The following NCOA1 variants were observed in gnomAD, a reference collection of about 807,000 sequenced individuals.
NCOA1 encodes the protein nuclear receptor coactivator 1, also known as Hin-2 protein.
Under a neutral mutation model 150.9 loss-of-function variants are expected in NCOA1, and 35 were observed. The observed-to-expected ratio is 0.23, with a 90% CI of 0.18 to 0.31. NCOA1 has a LOEUF of 0.31. Among genes scored for constraint, NCOA1 ranks in the 10% least tolerant of loss-of-function variants. The pLI is 1.00. For missense variants in NCOA1, 1,491 were observed against 1,749.3 expected, an observed-to-expected ratio of 0.85 and a Z score of 2.63; for synonymous variants, 590 against 630.0, an observed-to-expected ratio of 0.94 and a Z score of 0.95.
At chr2:24,516,272 A>G (rs566234756) in intron 1 of NCOA1, among the ~76,000 whole-genome samples, 1 of 139,818 alleles carries the variant, frequency 7.2e-6, no homozygotes, top group African/African-American at 2.7e-5. Flanking sequence ...GGCCCACTGC[A>G]AGCTCCGCCT....
intron 14 of NCOA1, among the ~76,000 whole-genome samples, chr2:24,723,066 T>G (rs1674435560): frequency 1.3e-5 from 2 of 152,080 alleles, no homozygotes; most frequent in South Asian, 4.1e-4. Flanking sequence ...TTTTTAGTGA[T>G]TAAGATATTC....
chr2:24,685,551 A>G (rs1558903284), intron 8 of NCOA1, among the ~76,000 whole-genome samples: 2 of 152,202 alleles, frequency 1.3e-5, no homozygotes, highest in Admixed American at 6.5e-5. Flanking sequence ...TTATATCTCA[A>G]ATGATGGAGA....
At chr2:24,614,885 A>G (rs1039526243) in intron 3 of NCOA1, among the ~76,000 whole-genome samples, 2 of 152,256 alleles carry the variant, frequency 1.3e-5, no homozygotes, top group African/African-American at 4.8e-5. Flanking sequence ...ATATTGTTAT[A>G]TGCTAGGCTC....
chr2:24,611,743 C>T (rs1160275446), intron 3 of NCOA1, among the ~76,000 whole-genome samples: 3 of 152,080 alleles, frequency 2.0e-5, no homozygotes, highest in Non-Finnish European at 4.4e-5. Flanking sequence ...GCAACCCCTG[C>T]TCCTTTTTAT....
At chr2:24,748,496 GCTA>G (rs1179242282) in intron 19 of NCOA1, among the ~76,000 whole-genome samples, 1 of 151,722 alleles carries the variant, frequency 6.6e-6, no homozygotes, top group African/African-American at 2.4e-5. Flanking sequence ...TATAATGCCA[GCTA>G]CTCGGGAGGC....
rs192989329 is a variant in NCOA1, at chr2:24,735,491, G to A, written c.3202-3941G>A. Reference sequence around the variant, plus strand: ...ACATTATAGTTTCCTTCTTTTTGGTGAATTTTAAGGTCAGTTTAAAAACAG... The same window carrying A: ...ACATTATAGTTTCCTTCTTTTTGGTAAATTTTAAGGTCAGTTTAAAAACAG... On this transcript the variant is annotated intron_variant, in intron 17 of 22. Transcript: ENST00000348332. Among the ~76,000 whole-genome samples the A allele has an allele frequency of 6.6e-5, 10 of 152,034 alleles. No homozygotes were observed. The East Asian group carries it at 1.9e-3, about 29-fold the overall frequency.
intron 12 of NCOA1, 37 bp from the exon 13 acceptor site, chr2:24,706,531 T>C: frequency 6.5e-7 from 1 of 1,534,498 alleles, no homozygotes; most frequent in South Asian, 1.3e-5. Flanking sequence ...TAGAAACAAA[T>C]GAAGATGTTT....
intron 1 of NCOA1, among the ~76,000 whole-genome samples, chr2:24,556,910 A>G (rs1001628328): frequency 6.6e-6 from 1 of 150,900 alleles, no homozygotes; most frequent in Non-Finnish European, 1.5e-5. Flanking sequence ...CTTTATCTCT[A>G]CTCTTAGCTA....
At chr2:24,523,629 A>AAAAAAAAAAAAAAAAAAAAC (rs1572380482) in intron 1 of NCOA1, among the ~76,000 whole-genome samples, 3 of 125,914 alleles carry the variant, frequency 2.4e-5, no homozygotes, top group Admixed American at 8.7e-5. Flanking sequence ...AAAAAAAAAA[A>AAAAAAAAAAAAAAAAAAAAC]AGAAACTGGG....
chr2:24,503,069 CAT>C (rs1297217760), intron 1 of NCOA1, among the ~76,000 whole-genome samples: 1 of 152,148 alleles, frequency 6.6e-6, no homozygotes, highest in Non-Finnish European at 1.5e-5. Flanking sequence ...TTTGTCAAGT[CAT>C]ATTGATTAAA....
intron 7 of NCOA1, among the ~76,000 whole-genome samples, chr2:24,681,915 C>A (rs576355647): frequency 4.1e-4 from 63 of 152,216 alleles, no homozygotes; most frequent in African/African-American, 1.5e-3. Context: ...GGGGTTTCAC[C>A]ATGTTGGCCA....
At chr2:24,527,121 C>G (rs1304266083) in intron 1 of NCOA1, among the ~76,000 whole-genome samples, 1 of 152,136 alleles carries the variant, frequency 6.6e-6, no homozygotes, top group Non-Finnish European at 1.5e-5. Context: ...TATAGTAAGA[C>G]AAATCAACAT....
chr2:24,685,516 G>A (rs185520997), intron 8 of NCOA1, among the ~76,000 whole-genome samples: 12 of 152,240 alleles, frequency 7.9e-5, no homozygotes, highest in Middle Eastern at 3.4e-3. Flanking sequence ...ATTTTAAAAA[G>A]CAAGTCGTTA....
At chr2:24,638,040 A>G (rs1235876534) in intron 3 of NCOA1, among the ~76,000 whole-genome samples, 1 of 152,118 alleles carries the variant, frequency 6.6e-6, no homozygotes, top group African/African-American at 2.4e-5. Context: ...CAACAGTGGT[A>G]TAGAACACTA....
At chr2:24,710,608 A>G (rs1673699814) in intron 13 of NCOA1, among the ~76,000 whole-genome samples, 1 of 152,222 alleles carries the variant, frequency 6.6e-6, no homozygotes, top group Non-Finnish European at 1.5e-5. Flanking sequence ...TCATCATAAC[A>G]CAGTACTACT....
At chr2:24,534,200 A>G (rs1412945251) in intron 1 of NCOA1, among the ~76,000 whole-genome samples, 2 of 152,040 alleles carry the variant, frequency 1.3e-5, no homozygotes, top group African/African-American at 2.4e-5. Context: ...GAATTTATCC[A>G]TTTCTTCTAG....
At chr2:24,503,590 A>G (rs1663557361) in intron 1 of NCOA1, among the ~76,000 whole-genome samples, 1 of 152,224 alleles carries the variant, frequency 6.6e-6, no homozygotes, top group South Asian at 2.1e-4. Flanking sequence ...GCTATAAATC[A>G]TACATGAATT....
At chr2:24,541,018 T>C (rs922570916) in intron 1 of NCOA1, among the ~76,000 whole-genome samples, 2 of 152,174 alleles carry the variant, frequency 1.3e-5, no homozygotes, top group African/African-American at 4.8e-5. Context: ...ACTATCTCAC[T>C]TGGGCATGCT....
chr2:24,516,725 T>A (rs1444071091), intron 1 of NCOA1, among the ~76,000 whole-genome samples: 3 of 150,998 alleles, frequency 2.0e-5, no homozygotes, highest in Non-Finnish European at 4.4e-5. Flanking sequence ...ATTAGTATCA[T>A]CTTTCTCACT....
Sources: gnomAD v4.1 joint callset for allele counts (sites outside exome capture counted in the v4.1 genomes callset) on GRCh38, gnomAD v4.1.1 for gene constraint, MANE v1.5 for transcripts, NCBI Gene and HGNC (gene_info 2026-07-23, HGNC 2026-07-21) for gene names.